GLG1: variants seen among roughly 807,000 people sequenced by gnomAD.
The protein encoded by GLG1 is golgi glycoprotein 1.
In GLG1, 38 loss-of-function variants were observed where a neutral mutation model predicts 160.5. The ratio of observed to expected loss-of-function variants is 0.24; its 90% CI spans 0.18 to 0.31. The LOEUF (loss-of-function observed/expected upper bound fraction) is 0.31, where lower values mean the gene tolerates loss of function less well. Ranked by LOEUF, GLG1 falls within the 10% of genes least tolerant of loss-of-function variation. The pLI is 1.00. For synonymous variants in GLG1, 644 were observed against 543.4 expected (o/e 1.19, Z -2.57); for missense variants, 1,373 against 1,505.2 (o/e 0.91, Z 1.45).
intron 1 of GLG1, among the ~76,000 whole-genome samples, chr16:74,605,157 T>C (rs1271619903): frequency 6.6e-6 from 1 of 152,208 alleles, no homozygotes; most frequent in Non-Finnish European, 1.5e-5. Context: ...GAAAAAACAT[T>C]AAATTGGAAA....
intron 1 of GLG1, among the ~76,000 whole-genome samples, chr16:74,597,873 G>C (rs1958343510): frequency 6.7e-6 from 1 of 149,314 alleles, no homozygotes; most frequent in Non-Finnish European, 1.5e-5. Context: ...AAAAAAAGCT[G>C]GACATGGTGG....
intron 1 of GLG1, among the ~76,000 whole-genome samples, chr16:74,597,113 C>T (rs1958324021): frequency 6.6e-6 from 1 of 151,236 alleles, no homozygotes; most frequent in Admixed American, 6.6e-5. Context: ...AGTGAGACCT[C>T]GTCTCAAACA....
chr16:74,514,051 C>A (rs1462929285), intron 2 of GLG1, among the ~76,000 whole-genome samples: 1 of 151,750 alleles, frequency 6.6e-6, no homozygotes, highest in Non-Finnish European at 1.5e-5. Context: ...GATTGAAGAT[C>A]AAATGAATGA....
intron 18 of GLG1, among the ~76,000 whole-genome samples, chr16:74,466,453 G>A (rs1440744284): frequency 2.0e-5 from 3 of 152,194 alleles, no homozygotes; most frequent in Non-Finnish European, 4.4e-5. Flanking sequence ...GAAAGCAGAT[G>A]GGAAGGTGCA....
rs1239882989 is a variant in GLG1, at chr16:74,459,718, G to A, written c.3108C>T (p.Val1036=). ...QTGQVEECLK[V]NLLKIKTELC... ...ATTCTGTTTTGATCTTGAGCAGGTT[G>A]ACCTTGAGGCACTCCTCCACCTGAC... Residue 1036 remains valine (V), a synonymous_variant, in exon 23 of 26, where the codon GTC becomes GTT. Transcript: ENST00000422840. 3.7e-6 allele frequency: 6 copies of A among 1,602,958 alleles called. No individual in the cohort carries two copies. The highest frequency in any genetic ancestry group is 8.5e-7 in the Non-Finnish European group (1 of 1,170,800).
At chr16:74,601,776 C>A (rs1338350375) in intron 1 of GLG1, among the ~76,000 whole-genome samples, 2 of 152,140 alleles carry the variant, frequency 1.3e-5, no homozygotes, top group Non-Finnish European at 2.9e-5. Context: ...TCTTGTGTCC[C>A]ATTTAGCATA....
At chr16:74,462,385 A>G in intron 21 of GLG1, 103 bp downstream of exon 21, 3 of 1,112,016 alleles carry the variant, frequency 2.7e-6, no homozygotes, top group South Asian at 1.4e-5. Flanking sequence ...GATATGAAAA[A>G]GGTCTTGGGA....
intron 25 of GLG1, among the ~76,000 whole-genome samples, chr16:74,455,216 C>A (rs1233515012): frequency 6.6e-6 from 1 of 152,194 alleles, no homozygotes; most frequent in Admixed American, 6.5e-5. Flanking sequence ...CCAAAAGGGT[C>A]CCCAGGTGCA....
chr16:74,453,406 C>A, intron 25 of GLG1, 72 bp from the exon 26 acceptor site: 2 of 918,554 alleles, frequency 2.2e-6, no homozygotes, highest in Admixed American at 2.2e-5. Flanking sequence ...TCTAACTTAT[C>A]CCTCTCAGTT....
chr16:74,526,046 G>C (rs1197186768), intron 2 of GLG1, among the ~76,000 whole-genome samples: 1 of 152,096 alleles, frequency 6.6e-6, no homozygotes, highest in African/African-American at 2.4e-5. Context: ...TAAATAAATA[G>C]AAGTTATTCA....
chr16:74,496,943 G>A (rs112522288), intron 4 of GLG1, among the ~76,000 whole-genome samples: 1 of 152,206 alleles, frequency 6.6e-6, no homozygotes, highest in African/African-American at 2.4e-5. Context: ...CTAGAAATAA[G>A]AACCTGAATT....
At chr16:74,512,274 A>AG (rs540731688) in intron 2 of GLG1, among the ~76,000 whole-genome samples, 5 of 90,746 alleles carry the variant, frequency 5.5e-5, no homozygotes, top group African/African-American at 1.8e-4. Flanking sequence ...AATCCATATT[A>AG]AAAAAAAAAA....
rs539789612 is a variant in GLG1 at position 74,448,519 on chromosome 16, G to A, written c.*4648C>T. The A allele has an allele frequency of 1.3e-5, 2 of 152,308 alleles. No individual in the cohort carries two copies. The highest frequency in any genetic ancestry group is 3.9e-4 in the East Asian group (2 of 5,180). The allele number at this position is 152,308 out of a possible 1,614,324, so 9.4% of individuals were successfully genotyped here. ...CAAAATGCACATAATTGAGGCCAAG[G>A]TGGGTGGACCACATGTGGTCAGGAG... On this transcript the variant is annotated 3_prime_UTR_variant, in exon 26 of 26. Transcript: ENST00000422840.
At chr16:74,604,918 G>C (rs1005710885) in intron 1 of GLG1, among the ~76,000 whole-genome samples, 1 of 152,082 alleles carries the variant, frequency 6.6e-6, no homozygotes, top group Non-Finnish European at 1.5e-5. Context: ...GCGTGGTGGC[G>C]CTCGCCTGTA....
intron 2 of GLG1, among the ~76,000 whole-genome samples, chr16:74,525,442 C>G (rs1263427619): frequency 3.3e-5 from 5 of 152,118 alleles, no homozygotes; most frequent in Non-Finnish European, 7.3e-5. Flanking sequence ...GATCATACCA[C>G]CGTGCCTGGC....
intron 1 of GLG1, among the ~76,000 whole-genome samples, chr16:74,555,176 A>G (rs1297943581): frequency 6.6e-6 from 1 of 152,158 alleles, no homozygotes; most frequent in African/African-American, 2.4e-5. Context: ...GGTGTTAAAA[A>G]TAAGTTTACA....
At chr16:74,576,576 A>C (rs577383153) in intron 1 of GLG1, among the ~76,000 whole-genome samples, 4 of 152,350 alleles carry the variant, frequency 2.6e-5, no homozygotes, top group African/African-American at 9.6e-5. Flanking sequence ...TCTTAACTCC[A>C]GAGCCATACT....
At chr16:74,513,395 C>A (rs994434483) in intron 2 of GLG1, among the ~76,000 whole-genome samples, 3 of 152,054 alleles carry the variant, frequency 2.0e-5, no homozygotes, top group Admixed American at 1.3e-4. Flanking sequence ...TAGGGGCCAA[C>A]AGATATCTCA....
At chr16:74,483,783 G>A (rs1398650520) in intron 9 of GLG1, among the ~76,000 whole-genome samples, 6 of 151,180 alleles carry the variant, frequency 4.0e-5, no homozygotes, top group African/African-American at 1.2e-4. Flanking sequence ...TCAGCCTCCC[G>A]AGTAGCTGGG....
Sources: allele counts gnomAD v4.1 joint callset (sites outside exome capture counted in the v4.1 genomes callset), GRCh38; gene constraint gnomAD v4.1.1; transcripts MANE v1.5; gene names NCBI Gene and HGNC (gene_info 2026-07-23, HGNC 2026-07-21).